Variants in ATP8B1 observed in about 807,000 individuals in gnomAD.
ATP8B1 encodes the protein phospholipid-transporting ATPase IC.
Under a neutral mutation model 149.9 loss-of-function variants are expected in ATP8B1, and 80 were observed. The observed-to-expected ratio is 0.53, with a 90% CI of 0.45 to 0.64. ATP8B1 has a LOEUF of 0.64. Among genes scored for constraint, ATP8B1 ranks in the 30% least tolerant of loss-of-function variants. The probability of loss-of-function intolerance (pLI) is 0.00; values close to 1 mark genes in which losing one functional copy is unlikely to be tolerated. For missense variants in ATP8B1, 1,247 were observed against 1,552.6 expected (o/e 0.80, Z 3.31); for synonymous variants, 536 against 562.8 (o/e 0.95, Z 0.67).
intron 1 of ATP8B1, among the ~76,000 whole-genome samples, chr18:57,767,338 T>C (rs1356320341): frequency 6.6e-6 from 1 of 152,116 alleles, no homozygotes; most frequent in Non-Finnish European, 1.5e-5. Flanking sequence ...CTTCTGCTGC[T>C]CAGGTAAGAA....
rs1568189236 is a variant in ATP8B1 at position 57,672,911 on chromosome 18, T to A, written c.1820-1331A>T. Among the ~76,000 whole-genome samples, 18 of 72,350 alleles carry A rather than the reference T, an allele frequency of 2.5e-4. 1 individual carries two copies. The highest frequency in any genetic ancestry group is 5.9e-4 in the East Asian group (1 of 1,694). 47.5% of individuals were successfully genotyped at this position (72,350 alleles called of 152,430 possible). ...GTATATATATATATATATATATATA[T>A]ATATATATATATATATATATAACAT... On this transcript the variant is annotated intron_variant, in intron 16 of 27. Coordinates refer to ENST00000648908, the MANE Select transcript of ATP8B1 (RefSeq NM_001374385.1).
intron 1 of ATP8B1, among the ~76,000 whole-genome samples, chr18:57,747,100 T>G (rs188555242): frequency 6.6e-6 from 1 of 152,222 alleles, no homozygotes; most frequent in African/African-American, 2.4e-5. Flanking sequence ...TACTTAGCAC[T>G]AAGGACAATG....
Position 57,691,889 on chromosome 18 carries a change from T to A in ATP8B1, c.1138A>T (p.Thr380Ser). 1 of 1,614,168 alleles carries A rather than the reference T, an allele frequency of 6.2e-7. No homozygotes were observed. The highest frequency in any genetic ancestry group is 8.5e-7 in the Non-Finnish European group (1 of 1,180,026). ...ATGAGGAATCCACGGTAGGAGGGTG[T>A]ATCGTCTTCTCCATCATAGAGGTAC... ...SWYLYDGEDD[T>S]PSYRGFLIFW... is the part of the protein sequence containing the mutation. The change falls in exon 12 of 28, where the codon ACA becomes TCA. Residue 380 changes from threonine (T) to serine (S), a missense_variant. Coordinates refer to ENST00000648908, the MANE Select transcript of ATP8B1 (RefSeq NM_001374385.1).
chr18:57,756,293 G>GTATATATATATATATACATA (rs755702972), intron 1 of ATP8B1, among the ~76,000 whole-genome samples: 3 of 87,130 alleles, frequency 3.4e-5, no homozygotes, highest in South Asian at 3.4e-4. Flanking sequence ...ATATATGTGT[G>GTATATATATATATATACATA]TGTGTATGTA....
At chr18:57,690,514 T>C (rs1389646757) in intron 12 of ATP8B1, among the ~76,000 whole-genome samples, 2 of 152,358 alleles carry the variant, frequency 1.3e-5, no homozygotes, top group East Asian at 3.9e-4. Context: ...TACAGTTTCT[T>C]TTATAATACA....
chr18:57,771,355 A>AT (rs2080261250), intron 1 of ATP8B1, among the ~76,000 whole-genome samples: 2 of 152,150 alleles, frequency 1.3e-5, no homozygotes, highest in Non-Finnish European at 2.9e-5. Flanking sequence ...ATTAAGCGTG[A>AT]TATAGTCTAC....
At chr18:57,799,136 G>A (rs954871964) in intron 1 of ATP8B1, among the ~76,000 whole-genome samples, 1 of 152,156 alleles carries the variant, frequency 6.6e-6, no homozygotes, top group African/African-American at 2.4e-5. Flanking sequence ...CCCATTTACA[G>A]ATGAGGAAAC....
chr18:57,688,167 A>C (rs1170328607), intron 13 of ATP8B1, 132 bp downstream of exon 13: 1 of 988,522 alleles, frequency 1.0e-6, no homozygotes, highest in South Asian at 1.3e-5. Context: ...TAGCTGGAGA[A>C]TGGCCCTAGC....
chr18:57,718,576 A>G (rs931494995), intron 2 of ATP8B1, among the ~76,000 whole-genome samples: 1 of 152,144 alleles, frequency 6.6e-6, no homozygotes, highest in Non-Finnish European at 1.5e-5. Context: ...AAACAAAAAG[A>G]CCTATAGGCC....
chr18:57,737,586 T>A (rs61367539), intron 1 of ATP8B1, among the ~76,000 whole-genome samples: 134,297 of 151,116 alleles, frequency 0.89, 59,798 homozygotes, highest in East Asian at 1. Flanking sequence ...TTCTTTTTTT[T>A]AAAGAGATAG....
At chr18:57,651,763 C>G (rs1375953894) in intron 26 of ATP8B1, among the ~76,000 whole-genome samples, 1 of 151,954 alleles carries the variant, frequency 6.6e-6, no homozygotes, top group Non-Finnish European at 1.5e-5. Flanking sequence ...TCTCCAGTAG[C>G]TAGAACTACA....
intron 2 of ATP8B1, among the ~76,000 whole-genome samples, chr18:57,711,454 A>G (rs114972447): frequency 0.019 from 2,879 of 152,318 alleles, 87 homozygotes; most frequent in African/African-American, 0.065. Flanking sequence ...ATGAATGCAT[A>G]TATGTACACA....
intron 2 of ATP8B1, among the ~76,000 whole-genome samples, chr18:57,711,252 C>G (rs1913672807): frequency 6.6e-6 from 1 of 152,090 alleles, no homozygotes; most frequent in South Asian, 2.1e-4. Flanking sequence ...TAGAAACAAC[C>G]CAAATGCCTA....
chr18:57,664,521 A>AAG, intron 20 of ATP8B1, among the ~76,000 whole-genome samples: 1 of 151,106 alleles, frequency 6.6e-6, no homozygotes, highest in African/African-American at 2.4e-5. Context: ...AAAAAAAAAA[A>AAG]GGAAAGGCAA....
chr18:57,694,549 G>T, intron 11 of ATP8B1, 33 bp downstream of exon 11: 1 of 1,355,894 alleles, frequency 7.4e-7, no homozygotes, highest in Non-Finnish European at 1.1e-6. Context: ...CAGCAATCTA[G>T]ATGAGAGATC....
At chr18:57,688,120 G>A (rs1281403143) in intron 13 of ATP8B1, among the ~76,000 whole-genome samples, 179 bp downstream of exon 13, 1 of 152,154 alleles carries the variant, frequency 6.6e-6, no homozygotes, top group Non-Finnish European at 1.5e-5. Flanking sequence ...TCCCACGCAT[G>A]TGTCCCCAGT....
chr18:57,794,792 A>AAAAGAAAGAAAGAAAGAAAGAAAG (rs113119274), intron 1 of ATP8B1, among the ~76,000 whole-genome samples: 47 of 148,040 alleles, frequency 3.2e-4, no homozygotes, highest in African/African-American at 1.1e-3. Flanking sequence ...CTCCGCCTCA[A>AAAAGAAAGAAAGAAAGAAAGAAAG]AAAGAAAGAA....
chr18:57,756,305 A>ATACATATATATATATATATATATATG (rs1555653785), intron 1 of ATP8B1, among the ~76,000 whole-genome samples: 35 of 106,102 alleles, frequency 3.3e-4, no homozygotes, highest in African/African-American at 1.5e-3. Flanking sequence ...GTGTATGTAT[A>ATACATATATATATATATATATATATG]TATATATATA....
chr18:57,753,117 T>C (rs967617712), intron 1 of ATP8B1, among the ~76,000 whole-genome samples: 21 of 152,074 alleles, frequency 1.4e-4, no homozygotes, highest in African/African-American at 4.8e-4. Flanking sequence ...AAAACCCCGA[T>C]TAAAGAAAAA....
Sources: gnomAD v4.1 joint callset for allele counts (sites outside exome capture counted in the v4.1 genomes callset) on GRCh38, gnomAD v4.1.1 for gene constraint, MANE v1.5 for transcripts, NCBI Gene and HGNC (gene_info 2026-07-23, HGNC 2026-07-21) for gene names.